The following GABPA variants were observed in gnomAD, a reference collection of about 807,000 sequenced individuals.
The protein encoded by GABPA is GA-binding protein alpha chain.
GABPA carries 4 observed loss-of-function variants against 59.4 expected under a neutral mutation model. That is an observed-to-expected ratio of 0.07 (90% confidence interval 0.03 to 0.15). GABPA has a LOEUF of 0.15. GABPA is among the 10% of genes least tolerant of loss of function. The pLI is 1.00. For synonymous variants in GABPA, 164 were observed against 183.1 expected (o/e 0.90, Z 0.84); for missense variants, 251 against 543.8 (o/e 0.46, Z 5.36).
At chr21:25,735,901 C>T (rs561513148) in intron 1 of GABPA, among the ~76,000 whole-genome samples, 56 of 152,294 alleles carry the variant, frequency 3.7e-4, no homozygotes, top group Non-Finnish European at 4.9e-4. Context: ...CGCCCGTCCG[C>T]ACTCCTCAGC....
At chr21:25,751,272 A>AG (rs11373367) in intron 4 of GABPA, among the ~76,000 whole-genome samples, 127,731 of 151,346 alleles carry the variant, frequency 0.84, 53,967 homozygotes, top group African/African-American at 0.86. Context: ...ATAATTTAAT[A>AG]GTTTAAATGT....
At chr21:25,763,060 G>C (rs761509891) in intron 7 of GABPA, 7 of 389,298 alleles carry the variant, frequency 1.8e-5, no homozygotes, top group Non-Finnish European at 3.5e-5. Context: ...TACTGTACTT[G>C]CTAGAAGTAC....
At chr21:25,750,831 A>G (rs1273012090) in intron 4 of GABPA, among the ~76,000 whole-genome samples, 3 of 152,214 alleles carry the variant, frequency 2.0e-5, no homozygotes, top group East Asian at 3.8e-4. Flanking sequence ...TAAAGCCATT[A>G]AAGTATGAAA....
chr21:25,743,818 C>G (rs2035287826), intron 2 of GABPA, among the ~76,000 whole-genome samples: 1 of 151,744 alleles, frequency 6.6e-6, no homozygotes, highest in Non-Finnish European at 1.5e-5. Flanking sequence ...TTTGGGAGGC[C>G]AAGGCAGGTG....
chr21:25,742,915 AGGACAAGGTGC>A (rs1425225238), intron 2 of GABPA, among the ~76,000 whole-genome samples: 2 of 151,224 alleles, frequency 1.3e-5, no homozygotes, highest in Non-Finnish European at 2.9e-5. Flanking sequence ...CTTTAGTGAC[AGGACAAGGTGC>A]GGTCTCAAAA....
At chr21:25,751,652 T>C (rs1243232560) in intron 4 of GABPA, among the ~76,000 whole-genome samples, 1 of 152,072 alleles carries the variant, frequency 6.6e-6, no homozygotes, top group Admixed American at 6.5e-5. Context: ...TAGTCTAATT[T>C]TTATTGTTTC....
At chr21:25,745,891 AG>A (rs2035350609) in intron 3 of GABPA, among the ~76,000 whole-genome samples, 1 of 152,242 alleles carries the variant, frequency 6.6e-6, no homozygotes, top group Non-Finnish European at 1.5e-5. Context: ...CATATTTTAC[AG>A]TATGTTTTAA....
Position 25,764,638 on chromosome 21 carries a change from T to A in GABPA, c.987T>A (p.Leu329=). 6.2e-7 allele frequency: 1 copy of A among 1,611,388 alleles called. No individual in the cohort carries two copies. The highest frequency in any genetic ancestry group is 1.7e-5 in the Admixed American group (1 of 59,502). ...AACTATGGCAGTTTTTGCTAGAACTTCTTACTGATAAGGACGCTCGAGACT... is the reference window on the plus strand; with the variant it reads ...AACTATGGCAGTTTTTGCTAGAACTACTTACTGATAAGGACGCTCGAGACT... ...QIQLWQFLLE[L]LTDKDARDCI... The change falls in exon 9 of 10, where the codon CTT becomes CTA. Residue 329 remains leucine, a synonymous_variant. Transcript: ENST00000400075.
chr21:25,757,996 A>T lies in GABPA; in HGVS notation c.554-14A>T. On this transcript the variant is annotated splice_polypyrimidine_tract_variant and intron_variant, in intron 5 of 9. Coordinates refer to ENST00000400075, the MANE Select transcript of GABPA (RefSeq NM_002040.4). Reference sequence around the variant, plus strand: ...AAAATGGAACTAGGCTAAAGTGAATATTTTTCTTTCTAGATCCCATACAGT... The same window carrying T: ...AAAATGGAACTAGGCTAAAGTGAATTTTTTTCTTTCTAGATCCCATACAGT... The T allele has an allele frequency of 6.5e-7, 1 of 1,527,596 alleles. No homozygotes were observed. Among genetic ancestry groups the T allele is most frequent in the Non-Finnish European group, 8.8e-7 (1 of 1,137,348 alleles). 94.6% of individuals were successfully genotyped at this position (1,527,596 alleles called of 1,614,324 possible).
intron 5 of GABPA, among the ~76,000 whole-genome samples, chr21:25,756,585 C>T (rs1438055169): frequency 6.6e-6 from 1 of 152,200 alleles, no homozygotes. Flanking sequence ...TCCTGTTGTA[C>T]TTTGAATGCA....
At chr21:25,764,399 T>A in intron 8 of GABPA, 49 bp downstream of exon 8, 1 of 1,516,392 alleles carries the variant, frequency 6.6e-7, no homozygotes, top group Non-Finnish European at 8.9e-7. Context: ...TCTAATTAGG[T>A]ATATTTTGTT....
intron 5 of GABPA, among the ~76,000 whole-genome samples, chr21:25,757,575 A>G (rs929932575): frequency 1.3e-5 from 2 of 152,210 alleles, no homozygotes; most frequent in African/African-American, 2.4e-5. Context: ...AAGGGAGGAA[A>G]AAGGATATGG....
chr21:25,765,417 T>A (rs1274700234), intron 9 of GABPA, among the ~76,000 whole-genome samples: 1 of 152,010 alleles, frequency 6.6e-6, no homozygotes, highest in Non-Finnish European at 1.5e-5. Flanking sequence ...CTTTTACTGC[T>A]TCTTCATGTT....
chr21:25,771,849 T>C lies in GABPA; in HGVS notation c.*2617T>C, dbSNP rs559656451. 4.6e-5 allele frequency: 7 copies of C among 152,194 alleles called. No homozygotes were observed. The highest frequency in any genetic ancestry group is 1.3e-4 in the Admixed American group (2 of 15,298). 9.4% of individuals were successfully genotyped at this position (152,194 alleles called of 1,614,324 possible). On this transcript the variant is annotated 3_prime_UTR_variant, in exon 10 of 10. Transcript: ENST00000400075. ...ATCTTGCTAGCCTAAAGTCTAAATA[T>C]TTGTGTTGGCATCAGAAAAACAAAT...
rs373988168 is a variant in GABPA, at chr21:25,753,579, A to C, written c.553+1345A>C. ...TGGTCAAGACTCTCAGATGCTGCTGAGAAAGTCAAAGAATGCTGACTGATA... is the reference window on the plus strand; with the variant it reads ...TGGTCAAGACTCTCAGATGCTGCTGCGAAAGTCAAAGAATGCTGACTGATA... On this transcript the variant is annotated intron_variant, in intron 5 of 9. Coordinates refer to ENST00000400075, the MANE Select transcript of GABPA (RefSeq NM_002040.4). 5.9e-5 allele frequency among the ~76,000 whole-genome samples: 9 copies of C among 151,978 alleles called. No individual in the cohort carries two copies. The East Asian group carries it at 1.3e-3, about 23-fold the overall frequency.
intron 9 of GABPA, 122 bp from the exon 10 acceptor site, chr21:25,768,882 A>G (rs2035954379): frequency 3.1e-6 from 2 of 641,840 alleles, no homozygotes; most frequent in Admixed American, 5.4e-5. Flanking sequence ...TAGCTTCAAT[A>G]TTAATTGCTA....
intron 1 of GABPA, among the ~76,000 whole-genome samples, chr21:25,740,366 G>A (rs1326710999): frequency 6.6e-6 from 1 of 152,202 alleles, no homozygotes; most frequent in Non-Finnish European, 1.5e-5. Flanking sequence ...ATTTAGTGGA[G>A]CGTTCCTTTT....
At chr21:25,768,931 G>A in intron 9 of GABPA, 73 bp from the exon 10 acceptor site, 1 of 972,856 alleles carries the variant, frequency 1.0e-6, no homozygotes, top group Admixed American at 2.0e-5. Flanking sequence ...TTCTGCTTAT[G>A]GAATAGTCTG....
chr21:25,743,080 C>T (rs1196223986), intron 2 of GABPA, among the ~76,000 whole-genome samples: 1 of 152,128 alleles, frequency 6.6e-6, no homozygotes, highest in Non-Finnish European at 1.5e-5. Context: ...AAAGACTTGA[C>T]TAGGGCTAGG....
Sources: allele counts gnomAD v4.1 joint callset (sites outside exome capture counted in the v4.1 genomes callset), GRCh38; gene constraint gnomAD v4.1.1; transcripts MANE v1.5; gene names NCBI Gene and HGNC (gene_info 2026-07-23, HGNC 2026-07-21).